The following LGR5 variants were observed in gnomAD, a reference collection of about 807,000 sequenced individuals.
LGR5 encodes the protein leucine rich repeat containing G protein-coupled receptor 5.
LGR5 carries 54 observed loss-of-function variants against 76.7 expected under a neutral mutation model. The ratio of observed to expected loss-of-function variants is 0.70; its 90% CI spans 0.57 to 0.88. LGR5 has a LOEUF of 0.88. Among genes scored for constraint, LGR5 ranks in the 40% least tolerant of loss-of-function variants. The probability of loss-of-function intolerance (pLI) is 0.00; values close to 1 mark genes in which losing one functional copy is unlikely to be tolerated. For synonymous variants in LGR5, 406 were observed against 421.9 expected, an observed-to-expected ratio of 0.96 and a Z score of 0.46; for missense variants, 1,078 against 1,073.3, an observed-to-expected ratio of 1.00 and a Z score of -0.06.
chr12:71,557,370 T>G (rs894452427), intron 6 of LGR5, among the ~76,000 whole-genome samples: 1 of 152,204 alleles, frequency 6.6e-6, no homozygotes, highest in Non-Finnish European at 1.5e-5. Context: ...GCATTTGGCA[T>G]ACATTGTTTT....
intron 3 of LGR5, among the ~76,000 whole-genome samples, chr12:71,532,258 G>A (rs1876355726): frequency 6.6e-6 from 1 of 152,096 alleles, no homozygotes; most frequent in African/African-American, 2.4e-5. Flanking sequence ...TAACAAAAAT[G>A]TAAAATAACA....
Position 71,582,509 on chromosome 12 carries a change from CT to C in LGR5, c.1608del (p.His537IlefsTer23), listed in dbSNP as rs1201089654. The C allele has an allele frequency of 6.2e-7, 1 of 1,613,866 alleles. No individual in the cohort carries two copies. The highest frequency in any genetic ancestry group is 1.3e-5 in the African/African-American group (1 of 74,906). On this transcript the variant is annotated frameshift_variant, in exon 17 of 18. Coordinates refer to ENST00000266674, the MANE Select transcript of LGR5 (RefSeq NM_003667.4). LOFTEE classifies it low-confidence loss of function (END_TRUNC). The stretch of plus-strand genomic sequence containing the variant: ...TGACTTTGAGGAAGACCTGAAAGCC[CT>C]TCATTCAGTGCAGTGTTCACCTTCC... ...LLDFEEDLKA[L>X]HSVQCSPSPG...
At chr12:71,490,479 G>A (rs765304255) in intron 1 of LGR5, among the ~76,000 whole-genome samples, 14 of 152,248 alleles carry the variant, frequency 9.2e-5, no homozygotes, top group South Asian at 6.2e-4. Context: ...TACAATATTC[G>A]AGATGGAGAT....
intron 4 of LGR5, among the ~76,000 whole-genome samples, chr12:71,538,583 C>G (rs952320664): frequency 6.6e-6 from 1 of 152,200 alleles, no homozygotes; most frequent in African/African-American, 2.4e-5. Flanking sequence ...AACTATTGAC[C>G]TGACCTGGAG....
chr12:71,583,444 G>A lies in LGR5; in HGVS notation c.1637-203G>A, dbSNP rs992913729. ...TCAATACCCTGGAACAGGAGCACCG[G>A]GTGTACTCACCCAGCCAGTGCTGCA... On this transcript the variant is annotated intron_variant, in intron 17 of 17. Transcript: ENST00000266674. 5.1e-6 allele frequency: 3 copies of A among 585,032 alleles called. No individual in the cohort carries two copies. In the African/African-American group the frequency reaches 5.6e-5, roughly 11 times the overall value. The allele number at this position is 585,032 out of a possible 1,614,324, so 36.2% of individuals were successfully genotyped here.
chr12:71,451,554 C>T (rs974967822), intron 1 of LGR5, among the ~76,000 whole-genome samples: 1 of 152,126 alleles, frequency 6.6e-6, no homozygotes, highest in Non-Finnish European at 1.5e-5. Context: ...ATGTCACCTC[C>T]TCTGGGAAGC....
chr12:71,533,305 A>G (rs1015976307), intron 3 of LGR5, among the ~76,000 whole-genome samples: 2 of 152,180 alleles, frequency 1.3e-5, no homozygotes, highest in African/African-American at 4.8e-5. Context: ...AGATTGCGCC[A>G]CTGCACTCCA....
chr12:71,520,910 A>T (rs1388577567), intron 2 of LGR5, among the ~76,000 whole-genome samples: 1 of 151,972 alleles, frequency 6.6e-6, no homozygotes, highest in African/African-American at 2.4e-5. Context: ...GTGGGAGGAA[A>T]ATTTTAAAAA....
intron 2 of LGR5, among the ~76,000 whole-genome samples, chr12:71,513,190 A>G (rs932700543): frequency 3.9e-5 from 6 of 152,232 alleles, no homozygotes; most frequent in African/African-American, 1.4e-4. Context: ...GTGTGAGGAC[A>G]GAAACTTGAG....
At chr12:71,541,171 G>C (rs922744091) in intron 4 of LGR5, among the ~76,000 whole-genome samples, 2 of 152,136 alleles carry the variant, frequency 1.3e-5, no homozygotes, top group African/African-American at 4.8e-5. Context: ...TGAACATTGG[G>C]GAGAATTATT....
At chr12:71,554,377 GA>G (rs5799048) in intron 5 of LGR5, among the ~76,000 whole-genome samples, 27,362 of 152,090 alleles carry the variant, frequency 0.18, 2,542 homozygotes, top group South Asian at 0.23. Flanking sequence ...TGCACGGTCT[GA>G]AAAATATCTT....
intron 1 of LGR5, among the ~76,000 whole-genome samples, chr12:71,478,303 A>G (rs987965580): frequency 4.6e-5 from 7 of 152,214 alleles, no homozygotes; most frequent in African/African-American, 1.7e-4. Flanking sequence ...GTTCTATGGC[A>G]GACGTTAAGG....
chr12:71,574,328 G>A (rs528530856), intron 13 of LGR5, among the ~76,000 whole-genome samples: 4 of 138,184 alleles, frequency 2.9e-5, no homozygotes, highest in Non-Finnish European at 6.2e-5. Flanking sequence ...AAAAAAGGCT[G>A]ATCTCTATAG....
chr12:71,471,160 A>G (rs1218403731), intron 1 of LGR5, among the ~76,000 whole-genome samples: 1 of 152,210 alleles, frequency 6.6e-6, no homozygotes, highest in Admixed American at 6.5e-5. Context: ...AAACTTTTTA[A>G]TAATAATATA....
intron 1 of LGR5, among the ~76,000 whole-genome samples, chr12:71,456,409 A>G (rs1007732588): frequency 6.6e-6 from 1 of 152,156 alleles, no homozygotes; most frequent in African/African-American, 2.4e-5. Flanking sequence ...GTGTTCTTTG[A>G]TTCCTAATTA....
chr12:71,446,931 G>C (rs1218487832), intron 1 of LGR5, among the ~76,000 whole-genome samples: 4 of 152,174 alleles, frequency 2.6e-5, no homozygotes, highest in African/African-American at 9.7e-5. Context: ...GTAGCTGCCA[G>C]AGTATTGTGA....
intron 1 of LGR5, among the ~76,000 whole-genome samples, chr12:71,456,252 A>G (rs931326046): frequency 1.3e-5 from 2 of 152,210 alleles, no homozygotes; most frequent in Non-Finnish European, 2.9e-5. Context: ...CCATCTGACA[A>G]GACTACATAA....
chr12:71,535,133 G>T lies in LGR5; in HGVS notation c.375G>T (p.Gln125His). Residue 125 changes from glutamine to histidine, a missense_variant, in exon 4 of 18, where the codon CAG becomes CAT. Coordinates refer to ENST00000266674, the MANE Select transcript of LGR5 (RefSeq NM_003667.4). ...CATACAGTATGCTGCAGAATAATCAGCTAAGACACGTACCCACAGAAGCTC... is the reference window on the plus strand; with the variant it reads ...CATACAGTATGCTGCAGAATAATCATCTAAGACACGTACCCACAGAAGCTC... ...SLKVLMLQNNQLRHVPTEALQ... is the reference protein window; with the variant it reads ...SLKVLMLQNNHLRHVPTEALQ... The T allele has an allele frequency of 6.2e-7, 1 of 1,611,262 alleles. No homozygotes were observed. Among genetic ancestry groups the T allele is most frequent in the Non-Finnish European group, 8.5e-7 (1 of 1,178,074 alleles).
chr12:71,521,416 T>C (rs944651810), intron 2 of LGR5, among the ~76,000 whole-genome samples: 2 of 152,202 alleles, frequency 1.3e-5, no homozygotes, highest in Non-Finnish European at 2.9e-5. Context: ...CTTCTGGTTT[T>C]TTGTTGTTCT....
Sources: allele counts gnomAD v4.1 joint callset (sites outside exome capture counted in the v4.1 genomes callset), GRCh38; gene constraint gnomAD v4.1.1; transcripts MANE v1.5; gene names NCBI Gene and HGNC (gene_info 2026-07-23, HGNC 2026-07-21).